Variants in VPS35L observed in about 807,000 individuals in gnomAD.
VPS35L encodes the protein VPS35 endosomal protein-sorting factor-like.
In VPS35L, 83 loss-of-function variants were observed where a neutral mutation model predicts 133.0. That is an observed-to-expected ratio of 0.62 (90% CI 0.52 to 0.75). The LOEUF (loss-of-function observed/expected upper bound fraction) is 0.75, where lower values mean the gene tolerates loss of function less well. Among genes scored for constraint, VPS35L ranks in the 30% least tolerant of loss-of-function variants. The pLI is 0.00. For synonymous variants in VPS35L, 423 were observed against 449.9 expected, an observed-to-expected ratio of 0.94 and a Z score of 0.76; for missense variants, 1,083 against 1,206.8, an observed-to-expected ratio of 0.90 and a Z score of 1.52.
chr16:19,613,304 C>G (rs1972784314), intron 12 of VPS35L, among the ~76,000 whole-genome samples: 1 of 152,016 alleles, frequency 6.6e-6, no homozygotes, highest in African/African-American at 2.4e-5. Flanking sequence ...CTGCCTCAAA[C>G]AAACAAACAA....
intron 17 of VPS35L, 121 bp downstream of exon 17, chr16:19,628,874 C>T: frequency 3.1e-6 from 1 of 325,398 alleles, no homozygotes; most frequent in Admixed American, 5.1e-5. Flanking sequence ...TCACTGCAAC[C>T]TCTGCCTCCT....
At chr16:19,642,253 C>T (rs1973809818) in intron 21 of VPS35L, 143 bp from the exon 22 acceptor site, 8 of 627,634 alleles carry the variant, frequency 1.3e-5, no homozygotes, top group South Asian at 4.3e-5. Flanking sequence ...GAACATGGCT[C>T]GTTACTGGTA....
intron 12 of VPS35L, among the ~76,000 whole-genome samples, chr16:19,612,013 G>C (rs1356421004): frequency 6.8e-6 from 1 of 147,446 alleles, no homozygotes; most frequent in African/African-American, 2.5e-5. Flanking sequence ...ATCTCAGCTC[G>C]CTCTAACCTC....
chr16:19,583,525 G>A lies in VPS35L; in HGVS notation c.639+1872G>A, dbSNP rs372043812. Among the ~76,000 whole-genome samples, 8 of 152,102 alleles carry A rather than the reference G, an allele frequency of 5.3e-5. 1 individual carries two copies. In the East Asian group the frequency reaches 9.7e-4, roughly 18 times the overall value. ...CCTCACACGTCTCTGATTTCTTTGT[G>A]TTGGGAACATTCAAAATCTTCTCCT... On this transcript the variant is annotated intron_variant, in intron 7 of 30. Coordinates refer to ENST00000417362, the MANE Select transcript of VPS35L (RefSeq NM_020314.7).
intron 27 of VPS35L, among the ~76,000 whole-genome samples, chr16:19,677,037 C>T (rs1217637487): frequency 6.6e-6 from 1 of 151,746 alleles, no homozygotes; most frequent in East Asian, 1.9e-4. Context: ...CATAGCAAGA[C>T]CTCATCTCAA....
chr16:19,619,450 C>T (rs999032482), intron 14 of VPS35L, among the ~76,000 whole-genome samples: 1 of 152,096 alleles, frequency 6.6e-6, no homozygotes, highest in Non-Finnish European at 1.5e-5. Context: ...TTTCAGCAAC[C>T]ACATGCTGTC....
At chr16:19,582,226 T>A (rs1971734022) in intron 7 of VPS35L, 2 of 152,264 alleles carry the variant, frequency 1.3e-5, no homozygotes, top group Non-Finnish European at 2.9e-5. Flanking sequence ...ACAGCTTATA[T>A]GTCTTGGTCC....
intron 5 of VPS35L, 61 bp from the exon 6 acceptor site, chr16:19,578,991 C>T: frequency 7.5e-7 from 1 of 1,341,632 alleles, no homozygotes; most frequent in Non-Finnish European, 1.1e-6. Flanking sequence ...AAAGATGCCT[C>T]CACTGGGGGT....
chr16:19,674,104 A>G (rs986052209), intron 27 of VPS35L, among the ~76,000 whole-genome samples: 1 of 149,508 alleles, frequency 6.7e-6, no homozygotes. Context: ...GCCACACCTG[A>G]GCCATGCCCA....
At chr16:19,684,442 C>T (rs1262175116) in intron 28 of VPS35L, among the ~76,000 whole-genome samples, 2 of 152,234 alleles carry the variant, frequency 1.3e-5, no homozygotes, top group South Asian at 2.1e-4. Context: ...TCATACCTCT[C>T]AGGCTTTCTC....
chr16:19,618,576 C>G (rs1310606574), intron 14 of VPS35L, among the ~76,000 whole-genome samples: 2 of 152,144 alleles, frequency 1.3e-5, no homozygotes, highest in African/African-American at 2.4e-5. Context: ...GCAGTGTGGC[C>G]TAGTGTTCAG....
chr16:19,675,898 A>G (rs938687106), intron 27 of VPS35L, among the ~76,000 whole-genome samples: 1 of 152,042 alleles, frequency 6.6e-6, no homozygotes, highest in Non-Finnish European at 1.5e-5. Context: ...TCCTACCCAC[A>G]GTATGAAAGA....
chr16:19,580,454 A>C (rs1971673963), intron 6 of VPS35L, among the ~76,000 whole-genome samples: 1 of 152,046 alleles, frequency 6.6e-6, no homozygotes, highest in African/African-American at 2.4e-5. Context: ...TTTGAATTGT[A>C]GGAAATATAC....
chr16:19,566,713 T>C (rs1215758420), intron 2 of VPS35L, among the ~76,000 whole-genome samples: 1 of 152,122 alleles, frequency 6.6e-6, no homozygotes, highest in Non-Finnish European at 1.5e-5. Flanking sequence ...AGTTCAGTAT[T>C]TGCCTTATTT....
At chr16:19,668,292 AG>A (rs1974761852) in intron 26 of VPS35L, among the ~76,000 whole-genome samples, 1 of 152,142 alleles carries the variant, frequency 6.6e-6, no homozygotes, top group African/African-American at 2.4e-5. Flanking sequence ...TTCATTTGTC[AG>A]GTCAGTGTTT....
intron 14 of VPS35L, among the ~76,000 whole-genome samples, chr16:19,624,404 G>A (rs1973194094): frequency 6.6e-6 from 1 of 152,082 alleles, no homozygotes; most frequent in Non-Finnish European, 1.5e-5. Flanking sequence ...CTAACAGGGT[G>A]AAACCCCATC....
chr16:19,679,134 T>TG (rs910975859), intron 27 of VPS35L, among the ~76,000 whole-genome samples: 6 of 1,330 alleles, frequency 4.5e-3, no homozygotes, highest in African/African-American at 7.9e-3. Flanking sequence ...AAAAGAAGGC[T>TG]GGGGGGGCGG....
chr16:19,571,126 C>A (rs1352836614), intron 3 of VPS35L, among the ~76,000 whole-genome samples: 1 of 151,824 alleles, frequency 6.6e-6, no homozygotes, highest in Non-Finnish European at 1.5e-5. Context: ...CCACCTCGGC[C>A]TCCCAAAGTG....
rs941900891 is a variant in VPS35L at position 19,675,846 on chromosome 16, G to A, written c.2362-6379G>A. Among the ~76,000 whole-genome samples, 7 of 150,974 alleles carry A rather than the reference G, an allele frequency of 4.6e-5. No homozygotes were observed. In the East Asian group the frequency reaches 8.0e-4, roughly 17 times the overall value. On this transcript the variant is annotated intron_variant, in intron 27 of 30. Coordinates refer to ENST00000417362, the MANE Select transcript of VPS35L (RefSeq NM_020314.7). Reference sequence around the variant, plus strand: ...ATTACAGGCATGAGCCACTGCACCCGGTCCCCATACTGTTTTTCATGGGGA... The same window carrying A: ...ATTACAGGCATGAGCCACTGCACCCAGTCCCCATACTGTTTTTCATGGGGA...
Sources: allele counts gnomAD v4.1 joint callset (sites outside exome capture counted in the v4.1 genomes callset), GRCh38; gene constraint gnomAD v4.1.1; transcripts MANE v1.5; gene names NCBI Gene and HGNC (gene_info 2026-07-23, HGNC 2026-07-21).